TP63: variants seen among roughly 807,000 people sequenced by gnomAD.
TP63 encodes the protein tumor protein 63.
A neutral mutation model predicts 82.8 loss-of-function variants in TP63; 17 were observed. The ratio of observed to expected loss-of-function variants is 0.21; its 90% confidence interval spans 0.14 to 0.31. The LOEUF (loss-of-function observed/expected upper bound fraction) is 0.31. TP63 is among the 10% of genes least tolerant of loss of function. The probability of loss-of-function intolerance (pLI) is 1.00; values close to 1 mark genes in which losing one functional copy is unlikely to be tolerated. For synonymous variants in TP63, 330 were observed against 321.7 expected, an observed-to-expected ratio of 1.03 and a Z score of -0.28; for missense variants, 648 against 895.3, an observed-to-expected ratio of 0.72 and a Z score of 3.52.
chr3:189,685,881 G>A (rs1716394983), intron 1 of TP63, among the ~76,000 whole-genome samples: 1 of 151,958 alleles, frequency 6.6e-6, no homozygotes, highest in South Asian at 2.1e-4. Context: ...TAAAAGAAGG[G>A]AACTATCTGA....
the TP63 span, among the ~76,000 whole-genome samples, chr3:189,605,711 CT>C: frequency 1.3e-5 from 2 of 151,918 alleles, no homozygotes; most frequent in Admixed American, 1.3e-4. Context: ...TTGCAAACAA[CT>C]AAATTCTTAG....
intron 3 of TP63, among the ~76,000 whole-genome samples, chr3:189,795,427 C>A (rs1252100287): frequency 1.3e-5 from 2 of 151,794 alleles, no homozygotes; most frequent in African/African-American, 4.8e-5. Flanking sequence ...TAAAAGATAT[C>A]CCAAGTTTTG....
chr3:189,608,949 G>GT, the TP63 span, among the ~76,000 whole-genome samples: 1 of 102,838 alleles, frequency 9.7e-6, no homozygotes, highest in South Asian at 3.6e-4. Flanking sequence ...TTTAATGCAT[G>GT]GGTACAAGTA....
the TP63 span, among the ~76,000 whole-genome samples, chr3:189,597,992 C>G: frequency 6.7e-6 from 1 of 150,144 alleles, no homozygotes; most frequent in Non-Finnish European, 1.5e-5. Flanking sequence ...ATAATTTTAC[C>G]AGAGACTTAA....
At chr3:189,738,865 G>A in intron 3 of TP63, 91 bp downstream of exon 3, 2 of 1,559,382 alleles carry the variant, frequency 1.3e-6, no homozygotes, top group Non-Finnish European at 8.7e-7. Context: ...GAAAAGGCAG[G>A]TGGCTCTGAA....
At chr3:189,636,596 A>G (rs147342576) in intron 1 of TP63, among the ~76,000 whole-genome samples, 334 of 152,264 alleles carry the variant, frequency 2.2e-3, no homozygotes, top group African/African-American at 7.2e-3. Context: ...TTAAGTTTCT[A>G]TGGCATATTT....
chr3:189,631,209 C>T (rs1328729526), upstream of TP63: 1 of 985,038 alleles, frequency 1.0e-6, no homozygotes, highest in Non-Finnish European at 1.2e-6. Context: ...AGTGTGGCTA[C>T]TATACGTCAA....
intron 1 of TP63, 25 bp downstream of exon 1, chr3:189,631,602 C>T (rs1393191273): frequency 1.2e-6 from 2 of 1,612,460 alleles, no homozygotes; most frequent in African/African-American, 1.3e-5. Flanking sequence ...GACATAACTT[C>T]TCTCAAAACT....
chr3:189,792,274 C>A (rs56107686), intron 3 of TP63, among the ~76,000 whole-genome samples: 1 of 151,964 alleles, frequency 6.6e-6, no homozygotes, highest in Non-Finnish European at 1.5e-5. Context: ...TTGGGTACAG[C>A]GGAGAGGCCG....
At chr3:189,774,207 C>A (rs886768638) in intron 3 of TP63, among the ~76,000 whole-genome samples, 2 of 152,142 alleles carry the variant, frequency 1.3e-5, no homozygotes, top group African/African-American at 2.4e-5. Context: ...CAGGCGTGAG[C>A]CACCACGCCC....
intron 1 of TP63, among the ~76,000 whole-genome samples, chr3:189,736,664 A>G (rs577424053): frequency 6.6e-5 from 10 of 152,164 alleles, no homozygotes; most frequent in African/African-American, 1.4e-4. Context: ...TAAGTCCTCT[A>G]TGCATGTTTA....
chr3:189,869,602 G>A (rs764144338), intron 9 of TP63, among the ~76,000 whole-genome samples, 196 bp downstream of exon 9: 2 of 152,138 alleles, frequency 1.3e-5, no homozygotes, highest in Non-Finnish European at 2.9e-5. Flanking sequence ...CTGGAAGTCT[G>A]AGATCAAGGT....
At chr3:189,857,945 T>C (rs1156251772) in intron 4 of TP63, among the ~76,000 whole-genome samples, 3 of 152,146 alleles carry the variant, frequency 2.0e-5, no homozygotes, top group Admixed American at 1.3e-4. Flanking sequence ...AAATTAAAAA[T>C]ATAACTACCA....
intron 7 of TP63, 87 bp from the exon 8 acceptor site, chr3:189,868,493 A>T: frequency 6.4e-7 from 1 of 1,572,876 alleles, no homozygotes; most frequent in Non-Finnish European, 8.6e-7. Flanking sequence ...GCGATGGCCC[A>T]TATGGGAAGT....
At chr3:189,759,659 GTTTA>G (rs1194591424) in intron 3 of TP63, among the ~76,000 whole-genome samples, 1 of 152,164 alleles carries the variant, frequency 6.6e-6, no homozygotes, top group East Asian at 1.9e-4. Flanking sequence ...ATTGGCAACT[GTTTA>G]TTTTAAAACA....
chr3:189,803,358 A>C (rs907708874), intron 3 of TP63, among the ~76,000 whole-genome samples: 10 of 152,232 alleles, frequency 6.6e-5, no homozygotes, highest in African/African-American at 2.4e-4. Flanking sequence ...AAAAACACAA[A>C]TTATAGGTAA....
At chr3:189,865,053 T>A (rs1010722469) in intron 5 of TP63, among the ~76,000 whole-genome samples, 1 of 152,032 alleles carries the variant, frequency 6.6e-6, no homozygotes, top group Non-Finnish European at 1.5e-5. Flanking sequence ...GCCAGGAGAC[T>A]ACATGGTAGC....
intron 1 of TP63, among the ~76,000 whole-genome samples, chr3:189,697,226 A>G (rs112922870): frequency 3.4e-4 from 37 of 110,354 alleles, no homozygotes; most frequent in African/African-American, 1.2e-3. Flanking sequence ...GTGTATGTCT[A>G]GGTTCAGTTT....
In TP63 at chr3:189,808,421, T is replaced by C. The variant is rs767663006; in HGVS notation, c.474T>C (p.Ala158=). 1.2e-6 allele frequency: 2 copies of C among 1,614,052 alleles called. No homozygotes were observed. Among genetic ancestry groups the C allele is most frequent in the Non-Finnish European group, 1.7e-6 (2 of 1,180,008 alleles). Residue 158 remains alanine (A), a synonymous_variant, in exon 4 of 14, where the codon GCT becomes GCC. Transcript: ENST00000264731. ...CACAGCCCAGCTCCACCTTCGATGCTCTCTCTCCATCACCCGCCATCCCCT... is the reference window on the plus strand; with the variant it reads ...CACAGCCCAGCTCCACCTTCGATGCCCTCTCTCCATCACCCGCCATCCCCT... The part of the protein sequence containing the change: ...PYAQPSSTFD[A]LSPSPAIPSN...
Sources: allele counts gnomAD v4.1 joint callset (sites outside exome capture counted in the v4.1 genomes callset), GRCh38; gene constraint gnomAD v4.1.1; transcripts MANE v1.5; gene names NCBI Gene and HGNC (gene_info 2026-07-23, HGNC 2026-07-21).